TMEM132C: variants seen among roughly 807,000 people sequenced by gnomAD.
TMEM132C encodes the protein transmembrane protein 132C, also known as protein phosphatase 1, regulatory subunit 152.
A neutral mutation model predicts 61.4 loss-of-function variants in TMEM132C; 29 were observed. The ratio of observed to expected loss-of-function variants is 0.47; its 90% CI spans 0.35 to 0.64. The LOEUF is 0.64. Ranked by LOEUF, TMEM132C falls within the 30% of genes least tolerant of loss-of-function variation. The pLI is 0.00. For missense variants in TMEM132C, 1,408 were observed against 1,476.9 expected, an observed-to-expected ratio of 0.95 and a Z score of 0.76; for synonymous variants, 656 against 633.1, an observed-to-expected ratio of 1.04 and a Z score of -0.54.
In TMEM132C at chr12:128,451,297, ATT is replaced by A. The variant is rs1870167569; in HGVS notation, c.974+35678_974+35679del. Among the ~76,000 whole-genome samples, 3 of 152,216 alleles carry A rather than the reference ATT, an allele frequency of 2.0e-5. No homozygotes were observed. In the South Asian group the frequency reaches 6.2e-4, roughly 32 times the overall value. ...TAATAAATGAAAAAAAGGGAGAAAT[ATT>A]GTTTTTCCTGTTTGTCCTAAGTTCA... On this transcript the variant is annotated intron_variant, in intron 2 of 8. Coordinates refer to ENST00000435159, the MANE Select transcript of TMEM132C (RefSeq NM_001136103.3).
At chr12:128,566,345 G>A (rs1874703553) in intron 3 of TMEM132C, among the ~76,000 whole-genome samples, 1 of 152,162 alleles carries the variant, frequency 6.6e-6, no homozygotes. Context: ...CATTTTGTGT[G>A]CATATTTCTG....
chr12:128,686,529 G>A (rs954176535), intron 5 of TMEM132C, among the ~76,000 whole-genome samples: 1 of 152,178 alleles, frequency 6.6e-6, no homozygotes, highest in Non-Finnish European at 1.5e-5. Flanking sequence ...GGACTTTGAA[G>A]TTGTAGTGAG....
intron 8 of TMEM132C, among the ~76,000 whole-genome samples, chr12:128,699,035 G>A (rs556122892): frequency 1.8e-4 from 28 of 152,288 alleles, no homozygotes; most frequent in East Asian, 3.9e-4. Flanking sequence ...GGATTGGAAC[G>A]TTCCAGCCAT....
intron 1 of TMEM132C, among the ~76,000 whole-genome samples, chr12:128,393,456 C>T (rs1874836987): frequency 6.6e-6 from 1 of 152,218 alleles, no homozygotes; most frequent in Non-Finnish European, 1.5e-5. Context: ...CATGAATTAA[C>T]AGCCCTTGTT....
At chr12:128,529,455 C>T (rs1284602396) in intron 2 of TMEM132C, among the ~76,000 whole-genome samples, 3 of 152,068 alleles carry the variant, frequency 2.0e-5, no homozygotes, top group Non-Finnish European at 2.9e-5. Context: ...TTCATGAAAA[C>T]GTGGGAGACA....
At chr12:128,394,128 CAAAAG>C (rs1414360811) in intron 1 of TMEM132C, among the ~76,000 whole-genome samples, 2 of 152,108 alleles carry the variant, frequency 1.3e-5, no homozygotes, top group Non-Finnish European at 2.9e-5. Context: ...TGGCGGCAGA[CAAAAG>C]AAGAGAGCTT....
intron 4 of TMEM132C, among the ~76,000 whole-genome samples, chr12:128,637,314 C>T (rs560029699): frequency 2.0e-5 from 3 of 152,288 alleles, no homozygotes; most frequent in African/African-American, 7.2e-5. Context: ...CCCGAAAGCT[C>T]TGTATGGTAG....
At chr12:128,582,719 T>C (rs912228767) in intron 3 of TMEM132C, among the ~76,000 whole-genome samples, 1 of 152,190 alleles carries the variant, frequency 6.6e-6, no homozygotes, top group Non-Finnish European at 1.5e-5. Flanking sequence ...TTCCGAGGCC[T>C]CCCTAGCCAT....
chr12:128,304,778 T>A (rs1312220580), intron 1 of TMEM132C, among the ~76,000 whole-genome samples: 1 of 152,184 alleles, frequency 6.6e-6, no homozygotes, highest in Non-Finnish European at 1.5e-5. Context: ...CTGTGTCCAC[T>A]CAAAGAGCCC....
At chr12:128,487,604 TATA>T (rs1459135553) in intron 2 of TMEM132C, among the ~76,000 whole-genome samples, 15 of 7,660 alleles carry the variant, frequency 2.0e-3, no homozygotes, top group African/African-American at 7.0e-3. Flanking sequence ...TGTGTGTGGG[TATA>T]TATATATATA....
At chr12:128,403,076 AG>A (rs1875224697) in intron 1 of TMEM132C, among the ~76,000 whole-genome samples, 1 of 152,218 alleles carries the variant, frequency 6.6e-6, no homozygotes. Flanking sequence ...ATTTCAGCAA[AG>A]GATATTCAGG....
chr12:128,363,365 A>G (rs888235926), intron 1 of TMEM132C, among the ~76,000 whole-genome samples: 3 of 152,182 alleles, frequency 2.0e-5, no homozygotes, highest in Non-Finnish European at 2.9e-5. Context: ...GATTCTTCCT[A>G]CTTTTCAATT....
chr12:128,652,469 C>T (rs1954281174), intron 4 of TMEM132C, among the ~76,000 whole-genome samples: 1 of 152,238 alleles, frequency 6.6e-6, no homozygotes, highest in Non-Finnish European at 1.5e-5. Context: ...AGATGCAACT[C>T]GCAAGGCAGC....
At chr12:128,548,833 A>G (rs1296873361) in intron 3 of TMEM132C, among the ~76,000 whole-genome samples, 2 of 152,236 alleles carry the variant, frequency 1.3e-5, no homozygotes, top group East Asian at 1.9e-4. Flanking sequence ...ATGGTATCAC[A>G]GTAACTATTT....
chr12:128,350,794 T>C (rs1469260076), intron 1 of TMEM132C, among the ~76,000 whole-genome samples: 1 of 152,018 alleles, frequency 6.6e-6, no homozygotes, highest in African/African-American at 2.4e-5. Flanking sequence ...CCAGCCTCCT[T>C]TGCAACTAGG....
chr12:128,353,169 T>G (rs1873394283), intron 1 of TMEM132C, among the ~76,000 whole-genome samples: 1 of 152,008 alleles, frequency 6.6e-6, no homozygotes, highest in Non-Finnish European at 1.5e-5. Flanking sequence ...CAGGAGGAAA[T>G]AATTCAAACA....
chr12:128,451,449 G>A (rs925037007), intron 2 of TMEM132C, among the ~76,000 whole-genome samples: 8 of 152,110 alleles, frequency 5.3e-5, no homozygotes, highest in African/African-American at 1.4e-4. Context: ...GTGAGTCTCC[G>A]CCTGCTACCC....
chr12:128,595,787 C>A (rs1038683036), intron 3 of TMEM132C, among the ~76,000 whole-genome samples: 3 of 152,192 alleles, frequency 2.0e-5, no homozygotes, highest in African/African-American at 7.2e-5. Context: ...GAAGGGAAAT[C>A]CACCTGGTGA....
chr12:128,462,535 A>C (rs1024861093), intron 2 of TMEM132C, among the ~76,000 whole-genome samples: 1 of 152,198 alleles, frequency 6.6e-6, no homozygotes, highest in African/African-American at 2.4e-5. Flanking sequence ...GAAAACCTGA[A>C]TATTTTTATA....
Sources: gnomAD v4.1 joint callset for allele counts (sites outside exome capture counted in the v4.1 genomes callset) on GRCh38, gnomAD v4.1.1 for gene constraint, MANE v1.5 for transcripts, NCBI Gene and HGNC (gene_info 2026-07-23, HGNC 2026-07-21) for gene names.